Variants in GRID2 observed in about 807,000 individuals in gnomAD.
GRID2 encodes glutamate ionotropic receptor delta type subunit 2.
GRID2 carries 33 observed loss-of-function variants against 114.8 expected under a neutral mutation model. That is an observed-to-expected ratio of 0.29 (90% CI 0.22 to 0.38). The LOEUF is 0.38. Ranked by LOEUF, GRID2 falls within the 10% of genes least tolerant of loss-of-function variation. The probability of loss-of-function intolerance (pLI) is 1.00; values close to 1 mark genes in which losing one functional copy is unlikely to be tolerated. For missense variants in GRID2, 1,184 were observed against 1,257.7 expected (o/e 0.94, Z 0.89); for synonymous variants, 505 against 449.9 (o/e 1.12, Z -1.55).
At chr4:92,692,318 T>G (rs1734218293) in intron 2 of GRID2, among the ~76,000 whole-genome samples, 1 of 152,222 alleles carries the variant, frequency 6.6e-6, no homozygotes, top group Non-Finnish European at 1.5e-5. Flanking sequence ...ATATATGTCT[T>G]ACTTTGTTAT....
At chr4:93,727,581 T>C (rs982547147) in intron 14 of GRID2, among the ~76,000 whole-genome samples, 11 of 152,170 alleles carry the variant, frequency 7.2e-5, no homozygotes, top group African/African-American at 2.4e-4. Flanking sequence ...CTCCTTGTAC[T>C]TCTGGTAGAA....
chr4:92,548,138 A>G (rs1418824615), intron 1 of GRID2, among the ~76,000 whole-genome samples: 1 of 152,132 alleles, frequency 6.6e-6, no homozygotes, highest in African/African-American at 2.4e-5. Flanking sequence ...AGAAGTATAT[A>G]GAAGTAGAAA....
intron 1 of GRID2, among the ~76,000 whole-genome samples, chr4:92,306,375 G>A (rs1725409555): frequency 6.6e-6 from 1 of 152,218 alleles, no homozygotes; most frequent in Admixed American, 6.5e-5. Context: ...GAACTTTTCA[G>A]CAAGAAATTA....
intron 14 of GRID2, among the ~76,000 whole-genome samples, chr4:93,754,147 T>A (rs557347272): frequency 6.6e-6 from 1 of 152,098 alleles, no homozygotes; most frequent in Non-Finnish European, 1.5e-5. Flanking sequence ...AAAGATAAAG[T>A]AAAAAGATGG....
intron 1 of GRID2, among the ~76,000 whole-genome samples, chr4:92,491,707 A>G (rs1169536903): frequency 1.3e-5 from 2 of 152,022 alleles, no homozygotes; most frequent in Admixed American, 6.6e-5. Flanking sequence ...GTGTGTGTAC[A>G]TGATGTCAAC....
intron 2 of GRID2, among the ~76,000 whole-genome samples, chr4:93,016,514 T>G (rs563719278): frequency 6.6e-6 from 1 of 152,182 alleles, no homozygotes; most frequent in African/African-American, 2.4e-5. Flanking sequence ...TTAGAATCCA[T>G]GTACTTTACT....
intron 2 of GRID2, among the ~76,000 whole-genome samples, chr4:92,990,268 T>C (rs1383184086): frequency 7.0e-6 from 1 of 143,572 alleles, no homozygotes; most frequent in Non-Finnish European, 1.5e-5. Flanking sequence ...TATATATATA[T>C]GTACGTAGAT....
chr4:92,975,548 A>G (rs1753818647), intron 2 of GRID2, among the ~76,000 whole-genome samples: 1 of 152,170 alleles, frequency 6.6e-6, no homozygotes, highest in South Asian at 2.1e-4. Context: ...CAGAATCATT[A>G]CTTGAATTAA....
chr4:93,778,544 G>A (rs772293405), downstream of GRID2, among the ~76,000 whole-genome samples: 4 of 151,940 alleles, frequency 2.6e-5, no homozygotes, highest in Non-Finnish European at 5.9e-5. Flanking sequence ...CTACAGGCAT[G>A]TGCCACCACG....
Position 93,515,222 on chromosome 4 carries a change from C to G in GRID2, c.2004C>G (p.Leu668=). 1.3e-6 allele frequency: 2 copies of G among 1,567,118 alleles called. No homozygotes were observed. The highest frequency in any genetic ancestry group is 1.7e-6 in the Non-Finnish European group (2 of 1,144,160). ...ITRIESSIQS[L]QDLSKQTEIP... is the part of the protein sequence containing the mutation. ...TTCTCTCCCAATAATCAAGGTCTCTCCAGGACCTTTCCAAGCAAACAGAAA... is the reference window on the plus strand; with the variant it reads ...TTCTCTCCCAATAATCAAGGTCTCTGCAGGACCTTTCCAAGCAAACAGAAA... Residue 668 remains leucine, a synonymous_variant, in exon 13 of 16, where the codon CTC becomes CTG. Coordinates refer to ENST00000282020, the MANE Select transcript of GRID2 (RefSeq NM_001510.4).
At chr4:93,388,488 TAGGAGGGTTATGCC>T (rs1764541897) in intron 8 of GRID2, among the ~76,000 whole-genome samples, 1 of 152,084 alleles carries the variant, frequency 6.6e-6, no homozygotes, top group Non-Finnish European at 1.5e-5. Context: ...ATTTTCAAGG[TAGGAGGGTTATGCC>T]TTACTCAAGA....
chr4:93,761,829 T>C (rs1303246601), intron 14 of GRID2, among the ~76,000 whole-genome samples: 1 of 152,200 alleles, frequency 6.6e-6, no homozygotes, highest in Non-Finnish European at 1.5e-5. Context: ...AACTGATCAC[T>C]AAGAGATTTT....
At chr4:93,108,726 G>A (rs1022532771) in intron 3 of GRID2, among the ~76,000 whole-genome samples, 1 of 151,742 alleles carries the variant, frequency 6.6e-6, no homozygotes, top group Non-Finnish European at 1.5e-5. Context: ...CACCTCCCGG[G>A]TTCAAGCGAT....
intron 2 of GRID2, among the ~76,000 whole-genome samples, chr4:92,747,555 C>T (rs546228900): frequency 6.6e-6 from 1 of 152,184 alleles, no homozygotes; most frequent in African/African-American, 2.4e-5. Context: ...CCTGCTACAA[C>T]TCTTATCCAT....
intron 1 of GRID2, among the ~76,000 whole-genome samples, chr4:92,393,340 G>T (rs915979676): frequency 6.6e-6 from 1 of 152,116 alleles, no homozygotes; most frequent in African/African-American, 2.4e-5. Context: ...TTTACATATA[G>T]ATACTCTATA....
intron 4 of GRID2, among the ~76,000 whole-genome samples, chr4:93,203,629 G>A (rs1038977124): frequency 2.0e-5 from 3 of 152,126 alleles, no homozygotes; most frequent in African/African-American, 4.8e-5. Context: ...TAGAAAAAGT[G>A]CATAGCTGAA....
In GRID2 at chr4:93,772,425, C is replaced by T; in HGVS notation, c.2951C>T (p.Ser984Phe). Residue 984 changes from serine to phenylalanine, a missense_variant, in exon 16 of 16, where the codon TCT becomes TTT. Physicochemically the swap from Ser to Phe is radical, Grantham distance 155 (BLOSUM62 -2). Transcript: ENST00000282020. ...AGGAGTCCTATAAAAACAATGTCATCTATTCCTTATCAACCAACTCCTACC... is the reference window on the plus strand; with the variant it reads ...AGGAGTCCTATAAAAACAATGTCATTTATTCCTTATCAACCAACTCCTACC... ...FFRSPIKTMSSIPYQPTPTLG... is the reference protein window; with the variant it reads ...FFRSPIKTMSFIPYQPTPTLG... 1 of 1,613,808 alleles carries T rather than the reference C, an allele frequency of 6.2e-7. No homozygotes were observed. The highest frequency in any genetic ancestry group is 1.1e-5 in the South Asian group (1 of 91,060).
intron 13 of GRID2, among the ~76,000 whole-genome samples, chr4:93,589,451 A>G (rs1256809727): frequency 2.6e-5 from 4 of 151,790 alleles, no homozygotes; most frequent in South Asian, 2.1e-4. Context: ...CTAGTCTATC[A>G]TTGTTGGACA....
chr4:92,315,990 A>G (rs1159636899), intron 1 of GRID2, among the ~76,000 whole-genome samples: 1 of 133,566 alleles, frequency 7.5e-6, no homozygotes, highest in Non-Finnish European at 1.5e-5. Flanking sequence ...CAAAAACAAA[A>G]AGCAAAAAAA....
Sources: allele counts gnomAD v4.1 joint callset (sites outside exome capture counted in the v4.1 genomes callset), GRCh38; gene constraint gnomAD v4.1.1; transcripts MANE v1.5; gene names NCBI Gene and HGNC (gene_info 2026-07-23, HGNC 2026-07-21).